Variants in HEMK2 observed in about 807,000 individuals in gnomAD.
The protein encoded by HEMK2 is HemK methyltransferase 2, ETF1 glutamine and histone H4 lysine.
At chr21:28,630,895 G>A in the HEMK2 span, among the ~76,000 whole-genome samples, 1 of 151,890 alleles carries the variant, frequency 6.6e-6, no homozygotes, top group African/African-American at 2.4e-5. Flanking sequence ...AAACCTGCAC[G>A]TTGTGCACAT....
the HEMK2 span, among the ~76,000 whole-genome samples, chr21:28,689,314 C>T: frequency 6.6e-6 from 1 of 152,120 alleles, no homozygotes; most frequent in Non-Finnish European, 1.5e-5. Flanking sequence ...CTTAGGGTTA[C>T]AGTAACAAAA....
chr21:28,782,397 C>A, the HEMK2 span, among the ~76,000 whole-genome samples: 1 of 152,274 alleles, frequency 6.6e-6, no homozygotes, highest in Non-Finnish European at 1.5e-5. Flanking sequence ...ACAATCAAGG[C>A]TTAGGTTCCT....
At chr21:28,735,988 A>C in the HEMK2 span, among the ~76,000 whole-genome samples, 1 of 152,198 alleles carries the variant, frequency 6.6e-6, no homozygotes, top group Non-Finnish European at 1.5e-5. Flanking sequence ...CCATACTAAA[A>C]ACTAAAGCAG....
the HEMK2 span, among the ~76,000 whole-genome samples, chr21:28,783,606 G>C: frequency 6.6e-6 from 1 of 152,248 alleles, no homozygotes; most frequent in Non-Finnish European, 1.5e-5. Flanking sequence ...TGTGCTGGCA[G>C]CCCTCGCTCG....
the HEMK2 span, among the ~76,000 whole-genome samples, chr21:28,881,841 T>C: frequency 1.3e-5 from 2 of 152,142 alleles, no homozygotes; most frequent in Admixed American, 6.5e-5. Flanking sequence ...TCTCACTATA[T>C]TGTACAAGCT....
the HEMK2 span, among the ~76,000 whole-genome samples, chr21:28,585,329 CTAAATAAATAAATAAA>C: frequency 2.1e-5 from 3 of 141,320 alleles, 1 homozygote; most frequent in South Asian, 4.7e-4. Context: ...AAGACTCTGT[CTAAATAAATAAATAAA>C]TAAATAAATA....
chr21:28,781,037 T>G, the HEMK2 span, among the ~76,000 whole-genome samples: 2 of 152,232 alleles, frequency 1.3e-5, no homozygotes, highest in Non-Finnish European at 2.9e-5. Flanking sequence ...AGCATTTTCC[T>G]TTCTCTCTCT....
the HEMK2 span, among the ~76,000 whole-genome samples, chr21:28,718,535 C>A: frequency 6.6e-6 from 1 of 151,998 alleles, no homozygotes; most frequent in Non-Finnish European, 1.5e-5. Flanking sequence ...AAGTCTCTAA[C>A]TATTACTGTG....
the HEMK2 span, among the ~76,000 whole-genome samples, chr21:28,744,434 C>T: frequency 1.2e-4 from 19 of 152,180 alleles, no homozygotes; most frequent in South Asian, 6.2e-4. Context: ...GGTTAATTGC[C>T]GAACACTTTC....
At chr21:28,644,931 C>T in the HEMK2 span, among the ~76,000 whole-genome samples, 1 of 152,176 alleles carries the variant, frequency 6.6e-6, no homozygotes, top group Admixed American at 6.5e-5. Flanking sequence ...GGCCAGTGCT[C>T]TGGGGCCTGG....
chr21:28,588,772 A>G, the HEMK2 span, among the ~76,000 whole-genome samples: 18 of 152,216 alleles, frequency 1.2e-4, no homozygotes, highest in African/African-American at 1.7e-4. Flanking sequence ...TCACAAGGTC[A>G]GGAGATCGAG....
chr21:28,608,589 G>T, the HEMK2 span, among the ~76,000 whole-genome samples: 2 of 152,180 alleles, frequency 1.3e-5, no homozygotes, highest in Non-Finnish European at 2.9e-5. Flanking sequence ...GCTATTGCAG[G>T]CTCTGTGAGA....
the HEMK2 span, among the ~76,000 whole-genome samples, chr21:28,814,475 C>T: frequency 3.3e-5 from 5 of 151,212 alleles, no homozygotes; most frequent in East Asian, 7.7e-4. Context: ...ATTTTTGCAA[C>T]CTACTCATCT....
the HEMK2 span, among the ~76,000 whole-genome samples, chr21:28,858,699 C>T: frequency 9.2e-5 from 14 of 152,044 alleles, no homozygotes; most frequent in Admixed American, 9.2e-4. Flanking sequence ...TTATTTTCTC[C>T]ATCCTAAGGT....
At chr21:28,622,566 C>T in the HEMK2 span, among the ~76,000 whole-genome samples, 4 of 152,252 alleles carry the variant, frequency 2.6e-5, no homozygotes, top group South Asian at 8.3e-4. Context: ...ATCACACTAC[C>T]TGACTTCAAA....
At chr21:28,875,891 T>C in the HEMK2 span, 1 of 152,360 alleles carries the variant, frequency 6.6e-6, no homozygotes, top group Non-Finnish European at 1.5e-5. Context: ...TAGTTCCTAC[T>C]TCTTGCTCAC....
At chr21:28,750,169 A>G in the HEMK2 span, among the ~76,000 whole-genome samples, 5 of 152,222 alleles carry the variant, frequency 3.3e-5, no homozygotes, top group Non-Finnish European at 7.3e-5. Flanking sequence ...CCAGGCATAT[A>G]TTAGGTTAAA....
At chr21:28,802,303 G>A in the HEMK2 span, among the ~76,000 whole-genome samples, 1 of 152,078 alleles carries the variant, frequency 6.6e-6, no homozygotes, top group East Asian at 1.9e-4. Context: ...ACCCTCTGTT[G>A]AAAATAAAAG....
the HEMK2 span, among the ~76,000 whole-genome samples, chr21:28,846,699 G>T: frequency 8.4e-3 from 1,283 of 152,156 alleles, 17 homozygotes; most frequent in African/African-American, 0.029. Flanking sequence ...TAAATTGTGT[G>T]TTGCAGGAGT....
Sources: gnomAD v4.1 joint callset for allele counts (sites outside exome capture counted in the v4.1 genomes callset) on GRCh38, gnomAD v4.1.1 for gene constraint, MANE v1.5 for transcripts, NCBI Gene and HGNC (gene_info 2026-07-23, HGNC 2026-07-21) for gene names.